Variants in DMD observed in about 807,000 individuals in gnomAD.
DMD encodes the protein mutant dystrophin.
DMD carries 63 observed loss-of-function variants against 330.1 expected under a neutral mutation model. The observed-to-expected ratio is 0.19, with a 90% CI of 0.16 to 0.24. The LOEUF (loss-of-function observed/expected upper bound fraction) is 0.24. Ranked by LOEUF, DMD falls within the 10% of genes least tolerant of loss-of-function variation. The pLI is 1.00. For missense variants in DMD, 3,344 were observed against 2,684.1 expected, an observed-to-expected ratio of 1.25 and a Z score of -5.43; for synonymous variants, 1,223 against 959.8, an observed-to-expected ratio of 1.27 and a Z score of -5.07.
chrX:31,490,785 G>A (rs1250315275), intron 57 of DMD, among the ~76,000 whole-genome samples: 2 of 111,859 alleles, frequency 1.8e-5, no homozygotes. Context: ...TGTATCCCAC[G>A]TAAGCAGGCC....
chrX:31,606,346 A>T (rs1354369144), intron 55 of DMD, among the ~76,000 whole-genome samples: 1 of 112,125 alleles, frequency 8.9e-6, no homozygotes, highest in Non-Finnish European at 1.9e-5. Context: ...TAAGTACTGA[A>T]ATGAATATTC....
At chrX:31,974,962 T>C (rs1000413666) in intron 44 of DMD, among the ~76,000 whole-genome samples, 3 of 110,119 alleles carry the variant, frequency 2.7e-5, no homozygotes, top group Non-Finnish European at 5.7e-5. Flanking sequence ...AATTAATTCA[T>C]CATAAAGAGC....
At chrX:32,725,053 G>T (rs775872358) in intron 7 of DMD, among the ~76,000 whole-genome samples, 1 of 111,429 alleles carries the variant, frequency 9.0e-6, no homozygotes, top group African/African-American at 3.2e-5. Flanking sequence ...TCATTGTTTG[G>T]TTGTATCTGT....
At chrX:32,155,465 A>G in intron 44 of DMD, 1 of 751,988 alleles carries the variant, frequency 1.3e-6, no homozygotes, top group Non-Finnish European at 1.6e-6. Context: ...TGCCATTGCT[A>G]GTGTGAAGAG....
chrX:31,572,560 CA>C (rs757837664), intron 55 of DMD, among the ~76,000 whole-genome samples: 3 of 112,216 alleles, frequency 2.7e-5, no homozygotes, highest in Admixed American at 9.4e-5. Context: ...CCGTTGGAAG[CA>C]GTCCTAAACC....
intron 55 of DMD, among the ~76,000 whole-genome samples, chrX:31,554,623 C>G (rs956689584): frequency 1.8e-5 from 2 of 111,590 alleles, no homozygotes; most frequent in Non-Finnish European, 3.8e-5. Context: ...TATTTTTTCC[C>G]CCTCTGGCCT....
rs768095449 is a variant in DMD, at chrX:33,153,649, T to G, written c.31+57633A>C. ...AATATATAATTGTTTAAAAATACAT[T>G]AAATATTGTTTAAAGAAATTCTGTT... On this transcript the variant is annotated intron_variant, in intron 1 of 78. Transcript: ENST00000357033. Among the ~76,000 whole-genome samples, 10 of 112,553 alleles carry G rather than the reference T, an allele frequency of 8.9e-5. No homozygotes were observed. The South Asian group carries it at 3.6e-3, about 40-fold the overall frequency.
chrX:31,540,128 C>A (rs931788141), intron 55 of DMD, among the ~76,000 whole-genome samples: 3 of 112,123 alleles, frequency 2.7e-5, no homozygotes, highest in African/African-American at 6.5e-5. Context: ...ATTCACAAAT[C>A]GATATTCTAA....
At chrX:31,266,178 A>AAAAAAAAAAAAAAAAAAAAAAAAAAC (rs2051069803) in intron 62 of DMD, among the ~76,000 whole-genome samples, 1 of 103,690 alleles carries the variant, frequency 9.6e-6, no homozygotes, top group Non-Finnish European at 2.0e-5. Context: ...AAAAAAAAAA[A>AAAAAAAAAAAAAAAAAAAAAAAAAAC]AAAAAGCCCA....
chrX:32,725,581 G>T (rs2147958690), intron 7 of DMD, among the ~76,000 whole-genome samples: 1 of 110,309 alleles, frequency 9.1e-6, no homozygotes, highest in South Asian at 3.8e-4. Context: ...TTCAGCAAAA[G>T]GATACAACAA....
intron 7 of DMD, among the ~76,000 whole-genome samples, chrX:32,760,270 A>C (rs895476714): frequency 8.9e-6 from 1 of 112,007 alleles, no homozygotes; most frequent in African/African-American, 3.2e-5. Flanking sequence ...AAGAGGAGAC[A>C]TAAGTATGTG....
intron 2 of DMD, among the ~76,000 whole-genome samples, chrX:33,006,999 T>C (rs2093410154): frequency 9.0e-6 from 1 of 110,574 alleles, no homozygotes; most frequent in Non-Finnish European, 1.9e-5. Context: ...CAAAATTCGA[T>C]CATTTCTCCC....
At chrX:31,576,650 C>T (rs2076112808) in intron 55 of DMD, among the ~76,000 whole-genome samples, 1 of 110,572 alleles carries the variant, frequency 9.0e-6, no homozygotes, top group Non-Finnish European at 1.9e-5. Flanking sequence ...TTTTTAAAAC[C>T]CAGAAATTAG....
chrX:31,327,669 C>G (rs766281309), intron 61 of DMD, among the ~76,000 whole-genome samples: 1 of 111,610 alleles, frequency 9.0e-6, no homozygotes, highest in Non-Finnish European at 1.9e-5. Flanking sequence ...GATAAATAAC[C>G]GATACAGCAA....
intron 7 of DMD, among the ~76,000 whole-genome samples, chrX:32,768,146 AAC>A (rs1429633754): frequency 8.9e-6 from 1 of 112,088 alleles, no homozygotes; most frequent in African/African-American, 3.2e-5. Flanking sequence ...TTTTATTTAT[AAC>A]ACACAAAAGA....
chrX:31,676,414 T>C (rs2082081978), intron 53 of DMD, among the ~76,000 whole-genome samples: 1 of 112,521 alleles, frequency 8.9e-6, no homozygotes, highest in Non-Finnish European at 1.9e-5. Context: ...TGAAATGCAG[T>C]TTGCAATTAT....
chrX:32,850,082 A>G (rs753211052), intron 2 of DMD, among the ~76,000 whole-genome samples: 1 of 112,222 alleles, frequency 8.9e-6, no homozygotes, highest in East Asian at 2.8e-4. Flanking sequence ...TAATTCACTG[A>G]AATGAATATA....
chrX:32,022,270 G>A (rs1251793570), intron 44 of DMD, among the ~76,000 whole-genome samples: 1 of 111,816 alleles, frequency 8.9e-6, no homozygotes, highest in African/African-American at 3.2e-5. Flanking sequence ...TATAGCCTAC[G>A]TGGACAAGTA....
chrX:32,796,063 A>C (rs1190485323), intron 7 of DMD, among the ~76,000 whole-genome samples: 1 of 110,390 alleles, frequency 9.1e-6, no homozygotes, highest in Non-Finnish European at 1.9e-5. Context: ...ATTTCTCAAA[A>C]AACTAAACAT....
Sources: gnomAD v4.1 joint callset for allele counts (sites outside exome capture counted in the v4.1 genomes callset) on GRCh38, gnomAD v4.1.1 for gene constraint, MANE v1.5 for transcripts, NCBI Gene and HGNC (gene_info 2026-07-23, HGNC 2026-07-21) for gene names.